REXO2: variants seen among roughly 807,000 people sequenced by gnomAD.
The protein encoded by REXO2 is RNA exonuclease 2.
A neutral mutation model predicts 30.9 loss-of-function variants in REXO2; 17 were observed. The ratio of observed to expected loss-of-function variants is 0.55; its 90% CI spans 0.38 to 0.82. The LOEUF is 0.82. Ranked by LOEUF, REXO2 falls within the 40% of genes least tolerant of loss-of-function variation. The pLI is 0.00. For synonymous variants in REXO2, 105 were observed against 99.6 expected, an observed-to-expected ratio of 1.05 and a Z score of -0.32; for missense variants, 253 against 293.2, an observed-to-expected ratio of 0.86 and a Z score of 1.00.
chr11:114,447,814 T>C lies in REXO2; in HGVS notation c.531-12T>C. 2 of 1,608,106 alleles carry C rather than the reference T, an allele frequency of 1.2e-6. No individual in the cohort carries two copies. The highest frequency in any genetic ancestry group is 1.7e-6 in the Non-Finnish European group (2 of 1,177,610). On this transcript the variant is annotated splice_polypyrimidine_tract_variant and intron_variant, in intron 5 of 6. Transcript: ENST00000265881. ...CAGCTTCCTTTGAGAGTTCCATTTC[T>C]GCTGTGTATAGACGCTGGTATCCAG...
chr11:114,443,092 T>C (rs973342483), intron 2 of REXO2, among the ~76,000 whole-genome samples: 5 of 152,044 alleles, frequency 3.3e-5, no homozygotes, highest in Non-Finnish European at 7.4e-5. Context: ...TTGCAATTGT[T>C]TTTTTCACCT....
At position 114,439,598 on chromosome 11, in the gene REXO2, C is replaced by G; in HGVS notation, c.70C>G (p.Arg24Gly). 6.2e-7 allele frequency: 1 copy of G among 1,606,840 alleles called. No individual in the cohort carries two copies. The highest frequency in any genetic ancestry group is 8.5e-7 in the Non-Finnish European group (1 of 1,178,188). ...VGGSHGRFGA[R>G]GVREGGAAMA... is the part of the protein sequence containing the mutation. ...TGGGAGTCACGGACGGTTCGGGGCCCGAGGTGTCCGCGAAGGTGGCGCAGC... is the reference window on the plus strand; with the variant it reads ...TGGGAGTCACGGACGGTTCGGGGCCGGAGGTGTCCGCGAAGGTGGCGCAGC... Residue 24 changes from arginine to glycine, a missense_variant, in exon 1 of 7, where the codon CGA becomes GGA. Transcript: ENST00000265881.
At chr11:114,440,843 T>C in intron 2 of REXO2, 104 bp downstream of exon 2, 1 of 877,214 alleles carries the variant, frequency 1.1e-6, no homozygotes, top group Non-Finnish European at 1.8e-6. Flanking sequence ...AGTTGAGGTC[T>C]ATATGGGTTA....
intron 1 of REXO2, 87 bp downstream of exon 1, chr11:114,439,762 G>A (rs1946462234): frequency 1.4e-6 from 2 of 1,404,584 alleles, no homozygotes; most frequent in Non-Finnish European, 1.9e-6. Flanking sequence ...GGAGAGCGTT[G>A]GGGGTCTGGG....
rs1946487884 is a variant in REXO2 at position 114,442,855 on chromosome 11, T to C, written c.232-1001T>C. On this transcript the variant is annotated intron_variant, in intron 2 of 6. Transcript: ENST00000265881. ...GAGAATTTGAGGGCTACTTTGTGTTTTGGATATCAACAATTACCTCTTTAA... is the reference window on the plus strand; with the variant it reads ...GAGAATTTGAGGGCTACTTTGTGTTCTGGATATCAACAATTACCTCTTTAA... 4.6e-5 allele frequency among the ~76,000 whole-genome samples: 7 copies of C among 152,182 alleles called. 1 individual carries two copies. Among genetic ancestry groups the C allele is most frequent in the Admixed American group, 4.6e-4 (7 of 15,270 alleles).
chr11:114,446,381 T>C (rs1946509975), intron 5 of REXO2: 2 of 228,810 alleles, frequency 8.7e-6, no homozygotes, highest in African/African-American at 4.5e-5. Flanking sequence ...TGGGAACATA[T>C]AGATGAAAAG....
At position 114,439,572 on chromosome 11, in the gene REXO2, G is replaced by A. The variant is rs369731293; in HGVS notation, c.44G>A (p.Gly15Asp). The A allele has an allele frequency of 8.1e-6, 13 of 1,609,550 alleles. No individual in the cohort carries two copies. The highest frequency in any genetic ancestry group is 2.7e-5 in the African/African-American group (2 of 74,820). The change falls in exon 1 of 7, where the codon GGT (glycine) becomes GAT (aspartate). Residue 15 changes from glycine (G) to aspartate (D), a missense_variant. Coordinates refer to ENST00000265881, the MANE Select transcript of REXO2 (RefSeq NM_015523.4). ...GGCTCCAGGCTGTTGCGGGGTGTAG[G>A]TGGGAGTCACGGACGGTTCGGGGCC... Reference protein sequence around the residue: ...SLGSRLLRGVGGSHGRFGARG... With the variant: ...SLGSRLLRGVDGSHGRFGARG...
intron 2 of REXO2, among the ~76,000 whole-genome samples, chr11:114,442,427 A>G (rs1364561653): frequency 6.6e-6 from 1 of 151,882 alleles, no homozygotes; most frequent in Non-Finnish European, 1.5e-5. Flanking sequence ...CTTCGTGACT[A>G]TCATAAAACA....
chr11:114,443,149 C>T (rs1051126364), intron 2 of REXO2, among the ~76,000 whole-genome samples: 4 of 151,832 alleles, frequency 2.6e-5, no homozygotes, highest in African/African-American at 7.3e-5. Context: ...CTCACCCTGT[C>T]ACCCAGGTTG....
Position 114,445,998 on chromosome 11 carries a change from TAAG to T in REXO2, c.445_447del (p.Lys149del), listed in dbSNP as rs1946507760. 6.3e-7 allele frequency: 1 copy of T among 1,599,638 alleles called. No homozygotes were observed. The highest frequency in any genetic ancestry group is 1.1e-5 in the South Asian group (1 of 90,612). On this transcript the variant is annotated inframe_deletion, in exon 5 of 7. Transcript: ENST00000265881. Reference sequence around the variant, plus strand: ...TTCTAGGAAATTCAGTTCATGAAGATAAGAAGTTTCTTGACAAATACATGCCCC... The same window carrying T: ...TTCTAGGAAATTCAGTTCATGAAGATAAGTTTCTTGACAAATACATGCCCC...
chr11:114,445,781 AACTG>A (rs1365587892), intron 4 of REXO2, 194 bp from the exon 5 acceptor site: 2 of 523,472 alleles, frequency 3.8e-6, no homozygotes. Flanking sequence ...TAAGGAGCTA[AACTG>A]ACTAAGTACT....
Position 114,439,474 on chromosome 11 carries a change from G to A in REXO2, c.-55G>A, listed in dbSNP as rs1047390608. 29 of 1,588,438 alleles carry A rather than the reference G, an allele frequency of 1.8e-5. No individual in the cohort carries two copies. The highest frequency in any genetic ancestry group is 2.4e-5 in the Non-Finnish European group (28 of 1,174,698). ...GGGTTTGCGACGTTTAGCGACTATT[G>A]CGCCTGCGCCAGCGCCGGCTGCGAG... On this transcript the variant is annotated 5_prime_UTR_variant, in exon 1 of 7. Coordinates refer to ENST00000265881, the MANE Select transcript of REXO2 (RefSeq NM_015523.4).
intron 5 of REXO2, 134 bp downstream of exon 5, chr11:114,446,221 G>A: frequency 1.9e-6 from 1 of 537,474 alleles, no homozygotes. Context: ...TCCCATTCTT[G>A]CTTGTATAGG....
In REXO2 at chr11:114,446,075, A is replaced by T; in HGVS notation, c.518A>T (p.Lys173Ile). The change falls in exon 5 of 7, where the codon AAA (lysine) becomes ATA (isoleucine). Residue 173 changes from lysine (K) to isoleucine (I), a missense_variant. Coordinates refer to ENST00000265881, the MANE Select transcript of REXO2 (RefSeq NM_015523.4). ...AGAATAATTGATGTGAGCACTGTTA[A>T]AGAACTGTGCAGGTAAGGGCTATAT... ...HYRIIDVSTVKELCRRWYPEE... is the reference protein window; with the variant it reads ...HYRIIDVSTVIELCRRWYPEE... The T allele has an allele frequency of 6.4e-7, 1 of 1,560,628 alleles. No individual in the cohort carries two copies. The highest frequency in any genetic ancestry group is 1.1e-5 in the South Asian group (1 of 88,624).
intron 5 of REXO2, among the ~76,000 whole-genome samples, chr11:114,447,512 A>G (rs1285858520): frequency 6.6e-6 from 1 of 152,004 alleles, no homozygotes; most frequent in African/African-American, 2.4e-5. Flanking sequence ...GTTTTGATGT[A>G]TGTTGAATTA....
chr11:114,442,944 A>G lies in REXO2; in HGVS notation c.232-912A>G, dbSNP rs143386899. On this transcript the variant is annotated intron_variant, in intron 2 of 6. Transcript: ENST00000265881. ...ACTATCCAAAGTATGTGTGTAGTGA[A>G]CTATTGGATTTTTGTCCTGTTCTAT... 5.0e-3 allele frequency among the ~76,000 whole-genome samples: 757 copies of G among 152,278 alleles called. 3 individuals are homozygous for G. Among genetic ancestry groups the G allele is most frequent in the African/African-American group, 0.017 (718 of 41,554 alleles).
Position 114,449,140 on chromosome 11 carries a change from A to G in REXO2, c.585-706A>G, listed in dbSNP as rs193277524. ...CAGAATACAACAGATGAGAAACAAC[A>G]TATTGGAAGAAAAGAAAGGCTCTTA... is the stretch of plus-strand genomic sequence containing the variant. On this transcript the variant is annotated intron_variant, in intron 6 of 6. Coordinates refer to ENST00000265881, the MANE Select transcript of REXO2 (RefSeq NM_015523.4). 149 of 152,386 alleles carry G rather than the reference A, an allele frequency of 9.8e-4. 1 individual carries two copies. Among genetic ancestry groups the G allele is most frequent in the African/African-American group, 3.5e-3 (144 of 41,594 alleles). The allele number at this position is 152,386 out of a possible 1,614,324, so 9.4% of individuals were successfully genotyped here.
intron 2 of REXO2, among the ~76,000 whole-genome samples, chr11:114,442,889 T>A (rs1037098717): frequency 6.6e-6 from 1 of 152,190 alleles, no homozygotes; most frequent in African/African-American, 2.4e-5. Flanking sequence ...AATTTTTTTT[T>A]AAATATAAAA....
intron 5 of REXO2, 91 bp from the exon 6 acceptor site, chr11:114,447,735 A>G: frequency 9.2e-7 from 1 of 1,087,122 alleles, no homozygotes; most frequent in Non-Finnish European, 1.3e-6. Context: ...CTCAAATGCC[A>G]TTTTCAATGT....
Sources: gnomAD v4.1 joint callset for allele counts (sites outside exome capture counted in the v4.1 genomes callset) on GRCh38, gnomAD v4.1.1 for gene constraint, MANE v1.5 for transcripts, NCBI Gene and HGNC (gene_info 2026-07-23, HGNC 2026-07-21) for gene names.